RAD52: variants seen among roughly 807,000 people sequenced by gnomAD.
RAD52 encodes DNA repair protein RAD52 homolog.
RAD52 carries 47 observed loss-of-function variants against 55.5 expected under a neutral mutation model. The ratio of observed to expected loss-of-function variants is 0.85; its 90% confidence interval spans 0.67 to 1.08. The LOEUF (loss-of-function observed/expected upper bound fraction) is 1.08, where lower values mean the gene tolerates loss of function less well. RAD52 is among the 50% of genes least tolerant of loss of function. RAD52 has a pLI of 0.00. For synonymous variants in RAD52, 184 were observed against 198.9 expected (o/e 0.92, Z 0.63); for missense variants, 468 against 522.8 (o/e 0.90, Z 1.02).
At chr12:943,779 G>T (rs763608862) in intron 1 of RAD52, among the ~76,000 whole-genome samples, 5 of 137,868 alleles carry the variant, frequency 3.6e-5, no homozygotes, top group Admixed American at 2.3e-4. Context: ...TGTGTGTGTG[G>T]TTTTTTTTTT....
At chr12:945,221 G>A (rs923377979) in intron 1 of RAD52, among the ~76,000 whole-genome samples, 4 of 151,800 alleles carry the variant, frequency 2.6e-5, no homozygotes, top group African/African-American at 9.7e-5. Flanking sequence ...CATGGTGGCA[G>A]GTGCCTGTAA....
intron 1 of RAD52, among the ~76,000 whole-genome samples, chr12:980,655 G>A (rs1215577439): frequency 6.7e-6 from 1 of 150,040 alleles, no homozygotes; most frequent in Non-Finnish European, 1.5e-5. Flanking sequence ...AGGCTGGAGT[G>A]CAGTGCCACG....
In RAD52 at chr12:913,325, A is replaced by G; in HGVS notation, c.*66T>C. ...TTCTCCAGCAGCGATGAACAATTTC[A>G]TGACCAAAAAGTAGTTTTCCAAAGT... On this transcript the variant is annotated 3_prime_UTR_variant, in exon 12 of 12. Coordinates refer to ENST00000358495, the MANE Select transcript of RAD52 (RefSeq NM_134424.4). 3 of 1,217,346 alleles carry G rather than the reference A, an allele frequency of 2.5e-6. No individual in the cohort carries two copies. The highest frequency in any genetic ancestry group is 2.4e-6 in the Non-Finnish European group (2 of 840,270). 75.4% of individuals were successfully genotyped at this position (1,217,346 alleles called of 1,614,324 possible).
At chr12:930,234 C>A in intron 3 of RAD52, 90 bp from the exon 4 acceptor site, 1 of 1,070,098 alleles carries the variant, frequency 9.3e-7, no homozygotes, top group Admixed American at 2.4e-5. Flanking sequence ...TATTCCTCAT[C>A]TACTTTTTTC....
chr12:950,400 T>C (rs2154119871), upstream of RAD52, among the ~76,000 whole-genome samples: 1 of 151,738 alleles, frequency 6.6e-6, no homozygotes, highest in Admixed American at 6.6e-5. Flanking sequence ...CGAAACCCTG[T>C]CTCTACTAAA....
At chr12:979,742 C>T (rs1465708955) in intron 1 of RAD52, among the ~76,000 whole-genome samples, 1 of 152,060 alleles carries the variant, frequency 6.6e-6, no homozygotes, top group Non-Finnish European at 1.5e-5. Flanking sequence ...ACCCACTTTG[C>T]AGTATTTTAT....
At position 931,231 on chromosome 12, in the gene RAD52, C is replaced by T. The variant is rs35008685; in HGVS notation, c.175G>A (p.Gly59Arg). 618 of 1,611,968 alleles carry T rather than the reference C, an allele frequency of 3.8e-4. 2 individuals carry two copies. In the African/African-American group the frequency reaches 6.7e-3, roughly 17 times the overall value. The change falls in exon 3 of 12, where the codon GGA (glycine) becomes AGA (arginine). Residue 59 changes from glycine (G) to arginine (R), a missense_variant. Coordinates refer to ENST00000358495, the MANE Select transcript of RAD52 (RefSeq NM_134424.4). ...PEYISSRMAG[G>R]GQKVCYIEGH... ...ATGAATTCTCCTACCTTCTGGCCTC[C>T]GCCAGCCATGCGGCTACTTATGTAT...
At chr12:985,074 G>A (rs1019871556) in intron 1 of RAD52, among the ~76,000 whole-genome samples, 1 of 152,188 alleles carries the variant, frequency 6.6e-6, no homozygotes, top group Non-Finnish European at 1.5e-5. Context: ...CCCCCAAAGT[G>A]CTGGGATTAC....
At chr12:971,528 C>T (rs1177148785) in intron 1 of RAD52, among the ~76,000 whole-genome samples, 2 of 151,928 alleles carry the variant, frequency 1.3e-5, no homozygotes, top group African/African-American at 2.4e-5. Flanking sequence ...GGTGAATAAA[C>T]CTGAGAAAGC....
rs373050675 is a variant in RAD52, at chr12:913,384, G to C, written c.*7C>G. On this transcript the variant is annotated 3_prime_UTR_variant, in exon 12 of 12. Coordinates refer to ENST00000358495, the MANE Select transcript of RAD52 (RefSeq NM_134424.4). ...GACAGAGTCCAATTATGTGGCCTGA[G>C]CCTCAGTTAAGATGGATCATATTTC... 3 of 1,593,390 alleles carry C rather than the reference G, an allele frequency of 1.9e-6. No homozygotes were observed. The highest frequency in any genetic ancestry group is 1.3e-5 in the African/African-American group (1 of 74,432).
chr12:974,328 G>A (rs1382194070), intron 1 of RAD52: 2 of 152,168 alleles, frequency 1.3e-5, no homozygotes, highest in Non-Finnish European at 2.9e-5. Context: ...AGACAGTCAT[G>A]AAAAACAAGA....
intron 5 of RAD52, among the ~76,000 whole-genome samples, chr12:927,524 C>T (rs1005819450): frequency 1.3e-5 from 2 of 152,116 alleles, no homozygotes; most frequent in Admixed American, 6.5e-5. Context: ...ACATTAGAAA[C>T]TCACCCCAAA....
chr12:981,492 G>A (rs780909024), intron 1 of RAD52, among the ~76,000 whole-genome samples: 34 of 152,258 alleles, frequency 2.2e-4, no homozygotes, highest in Middle Eastern at 3.4e-3. Flanking sequence ...TGTACTTCCT[G>A]AGTATAATAG....
At chr12:990,934 C>CGTGTGTGTGTGTGTGTGTGTGTGTGT (rs758442595), upstream of RAD52, 49 of 99,402 alleles carry the variant, frequency 4.9e-4, no homozygotes, top group African/African-American at 1.5e-3. Context: ...CCGCAGGGGT[C>CGTGTGTGTGTGTGTGTGTGTGTGTGT]GTGTGTGTGT....
chr12:960,183 G>C (rs528068667), intron 1 of RAD52, among the ~76,000 whole-genome samples: 1 of 152,170 alleles, frequency 6.6e-6, no homozygotes, highest in African/African-American at 2.4e-5. Flanking sequence ...GTTGTTGTAC[G>C]GAGAATGGAT....
In RAD52 at chr12:911,871, A is replaced by AAATAATT. The variant is rs1555166879; in HGVS notation, c.*1519_*1520insAATTATT. ...CCCGTCTCCTCTACTAAAAATACAA[A>AAATAATT]AATTAGTCGGGCGTCGTGGTGGGTG... On this transcript the variant is annotated 3_prime_UTR_variant, in exon 12 of 12. Coordinates refer to ENST00000358495, the MANE Select transcript of RAD52 (RefSeq NM_134424.4). Among the ~76,000 whole-genome samples, 1 of 151,446 alleles carries AAATAATT rather than the reference A, an allele frequency of 6.6e-6. No individual in the cohort carries two copies. Among genetic ancestry groups the AAATAATT allele is most frequent in the African/African-American group, 2.4e-5 (1 of 41,172 alleles).
chr12:961,704 T>C (rs1482105577), intron 1 of RAD52, among the ~76,000 whole-genome samples: 2 of 151,388 alleles, frequency 1.3e-5, no homozygotes, highest in African/African-American at 2.4e-5. Context: ...TTACTAAAAA[T>C]ACAAAAAAAT....
chr12:990,494 T>C (rs539527642), upstream of RAD52: 3 of 152,198 alleles, frequency 2.0e-5, no homozygotes, highest in East Asian at 1.9e-4. Context: ...GAAGCAGCGT[T>C]TGGCACAGCG....
chr12:926,688 A>C, intron 6 of RAD52: 1 of 1,224,018 alleles, frequency 8.2e-7, no homozygotes, highest in South Asian at 1.5e-5. Context: ...TAAGCCAATC[A>C]AACCTCCTTT....
Sources: gnomAD v4.1 joint callset for allele counts (sites outside exome capture counted in the v4.1 genomes callset) on GRCh38, gnomAD v4.1.1 for gene constraint, MANE v1.5 for transcripts, NCBI Gene and HGNC (gene_info 2026-07-23, HGNC 2026-07-21) for gene names.